The following ZFHX3 variants were observed in gnomAD, a reference collection of about 807,000 sequenced individuals.
ZFHX3 encodes zinc finger homeobox protein 3.
Under a neutral mutation model 279.1 loss-of-function variants are expected in ZFHX3, and 42 were observed. That is an observed-to-expected ratio of 0.15 (90% confidence interval 0.12 to 0.19). The LOEUF (loss-of-function observed/expected upper bound fraction) is 0.19. Ranked by LOEUF, ZFHX3 falls within the 10% of genes least tolerant of loss-of-function variation. The pLI, the probability that ZFHX3 is intolerant of heterozygous loss-of-function variation, is 1.00. For synonymous variants in ZFHX3, 2,293 were observed against 1,957.8 expected (o/e 1.17, Z -4.52); for missense variants, 4,981 against 4,754.0 (o/e 1.05, Z -1.40).
chr16:73,798,474 A>T (rs1228210103), intron 1 of ZFHX3, among the ~76,000 whole-genome samples: 6 of 152,116 alleles, frequency 3.9e-5, no homozygotes, highest in Non-Finnish European at 7.3e-5. Context: ...ATACCCCCCA[A>T]AAAAAGGAAA....
At chr16:73,553,042 G>A (rs558239703) in intron 2 of ZFHX3, among the ~76,000 whole-genome samples, 4 of 152,156 alleles carry the variant, frequency 2.6e-5, no homozygotes, top group Non-Finnish European at 4.4e-5. Flanking sequence ...TAATCACATC[G>A]CCTGTGAATT....
intron 2 of ZFHX3, among the ~76,000 whole-genome samples, chr16:73,651,854 C>CA (rs34470973): frequency 3.6e-5 from 4 of 110,362 alleles, no homozygotes; most frequent in African/African-American, 1.4e-4. Context: ...GACTCTGTCT[C>CA]AAAAAAAAAA....
chr16:72,787,981 G>T lies in ZFHX3; in HGVS notation c.10295C>A (p.Ser3432Tyr). The T allele has an allele frequency of 6.2e-7, 1 of 1,612,938 alleles. No homozygotes were observed. Among genetic ancestry groups the T allele is most frequent in the African/African-American group, 1.3e-5 (1 of 74,794 alleles). ...EEQKNTPREV[S>Y]PLLPKLPEEP... is the part of the protein sequence containing the mutation. ...TTCAGGGAGTTTCGGCAGGAGGGGG[G>T]ACACCTCACGGGGGGTGTTTTTCTG... The change falls in exon 10 of 10, where the codon TCC becomes TAC. Residue 3432 changes from serine (S) to tyrosine (Y), a missense_variant. Physicochemically the swap from Ser to Tyr is moderately radical, Grantham distance 144. Coordinates refer to ENST00000268489, the MANE Select transcript of ZFHX3 (RefSeq NM_006885.4).
intron 2 of ZFHX3, among the ~76,000 whole-genome samples, chr16:73,560,598 T>A (rs773493709): frequency 9.9e-5 from 15 of 152,148 alleles, no homozygotes; most frequent in Non-Finnish European, 2.1e-4. Context: ...GTCTGGAGGA[T>A]AAAATCCCTG....
At chr16:73,778,065 AT>A (rs1792231896) in intron 1 of ZFHX3, among the ~76,000 whole-genome samples, 2 of 151,398 alleles carry the variant, frequency 1.3e-5, no homozygotes, top group African/African-American at 4.9e-5. Flanking sequence ...AATGAAAAAA[AT>A]AATATCAAAC....
At chr16:73,665,465 C>T (rs1052379571) in intron 2 of ZFHX3, among the ~76,000 whole-genome samples, 13 of 151,756 alleles carry the variant, frequency 8.6e-5, no homozygotes, top group Non-Finnish European at 1.3e-4. Flanking sequence ...ACACCCACCT[C>T]GGCCTCCCAA....
intron 3 of ZFHX3, among the ~76,000 whole-genome samples, chr16:72,894,635 A>G (rs2038852504): frequency 6.6e-6 from 1 of 152,226 alleles, no homozygotes; most frequent in Admixed American, 6.5e-5. Flanking sequence ...AGGAGGGAGA[A>G]TAATTTGTTC....
intron 5 of ZFHX3, among the ~76,000 whole-genome samples, chr16:73,242,265 T>C (rs919448281): frequency 6.6e-6 from 1 of 152,168 alleles, no homozygotes. Context: ...CCTAGCTCCC[T>C]GAAGCCCAGT....
Position 72,793,653 on chromosome 16 carries a change from T to C in ZFHX3, c.9029A>G (p.Lys3010Arg). 1 of 1,614,234 alleles carries C rather than the reference T, an allele frequency of 6.2e-7. No homozygotes were observed. The highest frequency in any genetic ancestry group is 8.5e-7 in the Non-Finnish European group (1 of 1,180,036). ...KEKKSKLSMAKHFGINQTSYE... is the reference protein window; with the variant it reads ...KEKKSKLSMARHFGINQTSYE... ...ACTCGTTTGGTTTATACCAAAATGCTTGGCCATGCTTAACTTGGACTTCTT... is the reference window on the plus strand; with the variant it reads ...ACTCGTTTGGTTTATACCAAAATGCCTGGCCATGCTTAACTTGGACTTCTT... The change falls in exon 9 of 10, where the codon AAG becomes AGG. Residue 3010 changes from lysine (K) to arginine (R), a missense_variant. Physicochemically the swap from Lys to Arg is conservative, Grantham distance 26. This residue lies in a region of ZFHX3 where 168 missense variants were observed against 249.1 expected (regional missense o/e 0.67). Transcript: ENST00000268489. This position sits in a 1 kb window ranked among gnomAD's most constrained non-coding sequence, Gnocchi z 4.3.
intron 3 of ZFHX3, among the ~76,000 whole-genome samples, chr16:73,416,582 T>A (rs1789846867): frequency 6.6e-6 from 1 of 152,102 alleles, no homozygotes; most frequent in African/African-American, 2.4e-5. Flanking sequence ...CAGACGAAAG[T>A]TGAGAAGTCG....
At chr16:73,344,986 C>T (rs908673373) in intron 3 of ZFHX3, among the ~76,000 whole-genome samples, 35 of 152,110 alleles carry the variant, frequency 2.3e-4, no homozygotes, top group African/African-American at 8.4e-4. Flanking sequence ...TCCCTTGGGC[C>T]TTTGTTTTTC....
chr16:73,250,039 G>A (rs189770243), intron 5 of ZFHX3, among the ~76,000 whole-genome samples: 1 of 152,302 alleles, frequency 6.6e-6, no homozygotes, highest in Admixed American at 6.5e-5. Context: ...TGTTGTCTAT[G>A]TAATGCAGAA....
intron 1 of ZFHX3, among the ~76,000 whole-genome samples, chr16:72,971,098 G>A (rs2144508967): frequency 6.6e-6 from 1 of 152,280 alleles, no homozygotes; most frequent in Non-Finnish European, 1.5e-5. Flanking sequence ...TCACGCTGCT[G>A]TTTATGTAGG....
intron 3 of ZFHX3, among the ~76,000 whole-genome samples, chr16:73,336,521 G>T (rs972194904): frequency 3.1e-4 from 47 of 151,908 alleles, no homozygotes; most frequent in African/African-American, 1.1e-3. Flanking sequence ...GTTTGCTTAG[G>T]ATAATGGCCT....
At chr16:73,216,680 C>T (rs1293310595) in intron 5 of ZFHX3, among the ~76,000 whole-genome samples, 1 of 151,948 alleles carries the variant, frequency 6.6e-6, no homozygotes, top group East Asian at 1.9e-4. Context: ...AGAGAATGGC[C>T]TGAACTCAGG....
Position 72,785,322 on chromosome 16 carries a change from T to C in ZFHX3, c.*1842A>G, listed in dbSNP as rs533613137. On this transcript the variant is annotated 3_prime_UTR_variant, in exon 10 of 10. Transcript: ENST00000268489. The stretch of plus-strand genomic sequence containing the variant: ...CTCACATACAGTTCCTTTTTTGCTT[T>C]CTGTACACTGCTATCTGCTGCTTTG... The C allele has an allele frequency of 8.5e-5, 13 of 152,648 alleles. No individual in the cohort carries two copies. Among genetic ancestry groups the C allele is most frequent in the Admixed American group, 5.2e-4 (8 of 15,284 alleles). 9.5% of individuals were successfully genotyped at this position (152,648 alleles called of 1,614,324 possible).
rs113619515 is a variant in ZFHX3, at chr16:72,940,583, G to A, written c.3216+9886C>T. ...GCTCAGAAGGGGTTAGAAAGGTCCAGTCATCCTCCAGGAAGAGCATACTGC... is the reference window on the plus strand; with the variant it reads ...GCTCAGAAGGGGTTAGAAAGGTCCAATCATCCTCCAGGAAGAGCATACTGC... On this transcript the variant is annotated intron_variant, in intron 3 of 9. Transcript: ENST00000268489. Among the ~76,000 whole-genome samples the A allele has an allele frequency of 1.8e-3, 275 of 152,288 alleles. 1 individual carries two copies. Among genetic ancestry groups the A allele is most frequent in the African/African-American group, 6.1e-3 (255 of 41,558 alleles).
At position 73,353,259 on chromosome 16, in the gene ZFHX3, T is replaced by G. The variant is rs540642790; in HGVS notation, c.-1290-34923A>C. ...TGTTTAAAAACACTAAAATCACCCA[T>G]GGGCTCATTTCGCCAAAGCTGTTTT... On this transcript the variant is annotated intron_variant, in intron 3 of 17. Transcript: ENST00000641206. Among the ~76,000 whole-genome samples the G allele has an allele frequency of 2.0e-5, 3 of 152,320 alleles. No individual in the cohort carries two copies. The East Asian group carries it at 5.8e-4, about 29-fold the overall frequency.
chr16:73,728,304 C>T (rs539742133), intron 1 of ZFHX3, among the ~76,000 whole-genome samples: 121 of 152,238 alleles, frequency 7.9e-4, no homozygotes, highest in African/African-American at 2.5e-3. Flanking sequence ...ATCAAAGCAG[C>T]GCTGCTGACA....
Sources: allele counts gnomAD v4.1 joint callset (sites outside exome capture counted in the v4.1 genomes callset), GRCh38; gene constraint gnomAD v4.1.1; regional missense constraint gnomAD v4.1.1; non-coding constraint Gnocchi (gnomAD v3.1); transcripts MANE v1.5; gene names NCBI Gene and HGNC (gene_info 2026-07-23, HGNC 2026-07-21).